The following CLTCL1 variants were observed in gnomAD, a reference collection of about 807,000 sequenced individuals.
CLTCL1 encodes clathrin heavy chain 2.
Under a neutral mutation model 190.0 loss-of-function variants are expected in CLTCL1, and 159 were observed. The ratio of observed to expected loss-of-function variants is 0.84; its 90% CI spans 0.74 to 0.95. The LOEUF is 0.95. Ranked by LOEUF, CLTCL1 falls within the 40% of genes least tolerant of loss-of-function variation. The pLI, the probability that CLTCL1 is intolerant of heterozygous loss-of-function variation, is 0.00. For missense variants in CLTCL1, 1,878 were observed against 2,033.4 expected (o/e 0.92, Z 1.47); for synonymous variants, 752 against 769.6 (o/e 0.98, Z 0.38).
At chr22:19,225,775 A>G in intron 12 of CLTCL1, 142 bp from the exon 13 acceptor site, 1 of 766,520 alleles carries the variant, frequency 1.3e-6, no homozygotes, top group East Asian at 2.7e-5. Flanking sequence ...AAAAGCAACT[A>G]TCCATCACGG....
At chr22:19,291,574 C>T in intron 1 of CLTCL1, 26 bp downstream of exon 1, 1 of 1,354,868 alleles carries the variant, frequency 7.4e-7, no homozygotes. Context: ...GCTGACAGGG[C>T]AGCCCCCCAG....
At chr22:19,243,173 G>A (rs1555966355) in intron 3 of CLTCL1, among the ~76,000 whole-genome samples, 2 of 152,126 alleles carry the variant, frequency 1.3e-5, no homozygotes, top group South Asian at 2.1e-4. Flanking sequence ...AACCTAATTT[G>A]TTAAATATAG....
At chr22:19,226,043 T>A (rs1246716147) in intron 12 of CLTCL1, among the ~76,000 whole-genome samples, 176 bp downstream of exon 12, 1 of 152,230 alleles carries the variant, frequency 6.6e-6, no homozygotes, top group Non-Finnish European at 1.5e-5. Flanking sequence ...GCTGAGCAGA[T>A]AAACTTTGTG....
chr22:19,273,553 G>A (rs1423877026), intron 2 of CLTCL1, among the ~76,000 whole-genome samples: 2 of 152,060 alleles, frequency 1.3e-5, no homozygotes, highest in African/African-American at 2.4e-5. Context: ...CTGAGACCAC[G>A]ATCAAGTGAG....
chr22:19,202,473 TTGCCATCCACGGTACCTC>T (rs2084923557), intron 22 of CLTCL1, among the ~76,000 whole-genome samples: 2 of 37,420 alleles, frequency 5.3e-5, no homozygotes, highest in African/African-American at 1.2e-4. Context: ...CACCCCTCCT[TTGCCATCCACGGTACCTC>T]CCGCACCACC....
At position 19,225,625 on chromosome 22, in the gene CLTCL1, G is replaced by T; in HGVS notation, c.1956C>A (p.Val652=). 1.9e-6 allele frequency: 3 copies of T among 1,558,836 alleles called. No homozygotes were observed. The highest frequency in any genetic ancestry group is 1.2e-5 in the South Asian group (1 of 83,970). ...HTHLLNPEWL[V]NFFGSLSVED... is the part of the protein sequence containing the mutation. ...CCACCGATAAGGAGCCAAAGAAATT[G>T]ACAAGCCACTGGGAACAAGGAAGAG... Residue 652 remains valine, a synonymous_variant, in exon 13 of 33, where the codon GTC becomes GTA. Coordinates refer to ENST00000427926, the MANE Select transcript of CLTCL1 (RefSeq NM_007098.4).
At chr22:19,281,659 C>G (rs1453860107) in intron 1 of CLTCL1, among the ~76,000 whole-genome samples, 4 of 152,184 alleles carry the variant, frequency 2.6e-5, no homozygotes, top group African/African-American at 9.6e-5. Context: ...TGGATGCTCT[C>G]CAGACAGAGC....
rs569826972 is a variant in CLTCL1, at chr22:19,257,133, CA to C, written c.251-2907del. Among the ~76,000 whole-genome samples, 14 of 152,178 alleles carry C rather than the reference CA, an allele frequency of 9.2e-5. No individual in the cohort carries two copies. The South Asian group carries it at 2.9e-3, about 32-fold the overall frequency. On this transcript the variant is annotated intron_variant, in intron 2 of 32. Transcript: ENST00000427926. Reference sequence around the variant, plus strand: ...GGAACCTCAAAGGACCTCAAATAGCCAAAATAATCTTGATAAAGATGAACAA... The same window carrying C: ...GGAACCTCAAAGGACCTCAAATAGCCAAATAATCTTGATAAAGATGAACAA...
At chr22:19,211,091 C>CT (rs34329744) in intron 19 of CLTCL1, among the ~76,000 whole-genome samples, 105,098 of 151,890 alleles carry the variant, frequency 0.69, 37,852 homozygotes, top group East Asian at 0.89. Context: ...TCTTGCAAAA[C>CT]TTTATACAAT....
chr22:19,250,486 A>G (rs916885389), intron 3 of CLTCL1, among the ~76,000 whole-genome samples: 4 of 151,716 alleles, frequency 2.6e-5, no homozygotes. Flanking sequence ...CTACAGGTGC[A>G]TGCCACCACA....
chr22:19,203,372 C>T (rs1233283117), intron 22 of CLTCL1, among the ~76,000 whole-genome samples: 1 of 152,162 alleles, frequency 6.6e-6, no homozygotes, highest in African/African-American at 2.4e-5. Flanking sequence ...TACCTGGGGG[C>T]TGTCAGCCTG....
chr22:19,238,615 C>A lies in CLTCL1; in HGVS notation c.795+660G>T, dbSNP rs557855789. 7.1e-4 allele frequency: 145 copies of A among 205,644 alleles called. 1 individual carries two copies. The highest frequency in any genetic ancestry group is 3.0e-3 in the South Asian group (32 of 10,826). The allele number at this position is 205,644 out of a possible 1,614,324, so 12.7% of individuals were successfully genotyped here. On this transcript the variant is annotated intron_variant, in intron 5 of 32. Transcript: ENST00000427926. ...AACTTCAGGTCTCATAGCACGAACT[C>A]CTCGAAGTCTGGCTAGGCACATGCC... is the stretch of plus-strand genomic sequence containing the variant.
chr22:19,233,617 G>A lies in CLTCL1; in HGVS notation c.1173C>T (p.Ile391=), dbSNP rs782355584. ...AKVAASAPKG[I]LRTRETVQKF... ...TCTGGACCGTCTCTCTGGTACGCAG[G>A]ATTCCCTAATAATAAATGGAAAAAT... Residue 391 remains isoleucine (I), a synonymous_variant, in exon 8 of 33, where the codon ATC becomes ATT. Transcript: ENST00000427926. The A allele has an allele frequency of 6.2e-7, 1 of 1,612,976 alleles. No individual in the cohort carries two copies. Among genetic ancestry groups the A allele is most frequent in the South Asian group, 1.1e-5 (1 of 91,004 alleles).
At chr22:19,251,206 CT>C (rs1157588846) in intron 3 of CLTCL1, among the ~76,000 whole-genome samples, 1 of 143,472 alleles carries the variant, frequency 7.0e-6, no homozygotes, top group African/African-American at 2.7e-5. Flanking sequence ...AAATTTACCT[CT>C]AAGTATTTTA....
chr22:19,260,185 G>T (rs1555974760), intron 2 of CLTCL1, among the ~76,000 whole-genome samples: 1 of 152,202 alleles, frequency 6.6e-6, no homozygotes, highest in African/African-American at 2.4e-5. Flanking sequence ...TTTAATGAAA[G>T]AAGCCATCTC....
chr22:19,236,128 C>G (rs1368272606), intron 5 of CLTCL1, among the ~76,000 whole-genome samples: 1 of 152,142 alleles, frequency 6.6e-6, no homozygotes, highest in Non-Finnish European at 1.5e-5. Context: ...CCTAGCTATA[C>G]AAGGATTCTT....
In CLTCL1 at chr22:19,235,754, A is replaced by G. The variant is rs1555961729; in HGVS notation, c.911T>C (p.Phe304Ser). 1 of 1,613,982 alleles carries G rather than the reference A, an allele frequency of 6.2e-7. No homozygotes were observed. The highest frequency in any genetic ancestry group is 1.1e-5 in the South Asian group (1 of 91,088). ...GGTTGGTTTGTGTGGAGCAGTGACA[A>G]ATATTGTGTCAGCACTAATACGGTT... ...CMNRISADTI[F>S]VTAPHKPTSG... The change falls in exon 6 of 33, where the codon TTT (phenylalanine) becomes TCT (serine). Residue 304 changes from phenylalanine to serine, a missense_variant. By Grantham distance (155) the Phe-to-Ser change is radical. Transcript: ENST00000427926.
At chr22:19,223,692 C>T (rs1205243710) in intron 14 of CLTCL1, among the ~76,000 whole-genome samples, 199 bp downstream of exon 14, 2 of 152,248 alleles carry the variant, frequency 1.3e-5, no homozygotes, top group Non-Finnish European at 2.9e-5. Flanking sequence ...AGCACAGCCT[C>T]AAGCTGCTTT....
At chr22:19,192,867 A>G (rs1462822578) in intron 26 of CLTCL1, among the ~76,000 whole-genome samples, 3 of 152,214 alleles carry the variant, frequency 2.0e-5, no homozygotes, top group Non-Finnish European at 2.9e-5. Context: ...GCCACAGGCC[A>G]CTGTGGGTCC....
Sources: allele counts gnomAD v4.1 joint callset (sites outside exome capture counted in the v4.1 genomes callset), GRCh38; gene constraint gnomAD v4.1.1; transcripts MANE v1.5; gene names NCBI Gene and HGNC (gene_info 2026-07-23, HGNC 2026-07-21).